FRMPD4: variants seen among roughly 807,000 people sequenced by gnomAD.
FRMPD4 encodes the protein FERM and PDZ domain-containing protein 4.
FRMPD4 carries 22 observed loss-of-function variants against 94.1 expected under a neutral mutation model. The observed-to-expected ratio is 0.23, with a 90% CI of 0.17 to 0.33. The LOEUF (loss-of-function observed/expected upper bound fraction) is 0.33, where lower values mean the gene tolerates loss of function less well. Among genes scored for constraint, FRMPD4 ranks in the 10% least tolerant of loss-of-function variants. The probability of loss-of-function intolerance (pLI) is 1.00; values close to 1 mark genes in which losing one functional copy is unlikely to be tolerated. For missense variants in FRMPD4, 1,111 were observed against 1,339.9 expected (o/e 0.83, Z 2.67); for synonymous variants, 631 against 548.6 (o/e 1.15, Z -2.10).
At chrX:12,354,959 C>T (rs1008167652) in intron 1 of FRMPD4, among the ~76,000 whole-genome samples, 1 of 111,969 alleles carries the variant, frequency 8.9e-6, no homozygotes, top group Non-Finnish European at 1.9e-5. Context: ...TGAATTTCTA[C>T]GTATCATGGG....
chrX:11,933,884 G>GA (rs2054135727), intron 3 of FRMPD4, among the ~76,000 whole-genome samples: 1 of 111,854 alleles, frequency 8.9e-6, no homozygotes, highest in Non-Finnish European at 1.9e-5. Flanking sequence ...TTGTTCCCTC[G>GA]TTTATGTTTG....
chrX:12,326,679 ATAT>A (rs2055293260), intron 1 of FRMPD4, among the ~76,000 whole-genome samples: 1 of 111,792 alleles, frequency 8.9e-6, no homozygotes, highest in Admixed American at 9.5e-5. Flanking sequence ...AGGCATAATA[ATAT>A]TAATTTTTGC....
chrX:12,502,415 G>C (rs952619416), intron 2 of FRMPD4, among the ~76,000 whole-genome samples: 2 of 111,370 alleles, frequency 1.8e-5, no homozygotes, highest in Non-Finnish European at 3.8e-5. Context: ...GGGGAAGGGA[G>C]GAAGACAGAT....
intron 4 of FRMPD4, among the ~76,000 whole-genome samples, chrX:12,617,641 C>A (rs1237543425): frequency 8.9e-6 from 1 of 112,050 alleles, no homozygotes; most frequent in Non-Finnish European, 1.9e-5. Context: ...AAGATAAATT[C>A]CCTTTCTGTA....
intron 1 of FRMPD4, among the ~76,000 whole-genome samples, chrX:12,296,258 A>T (rs1023836552): frequency 8.9e-6 from 1 of 111,840 alleles, no homozygotes; most frequent in African/African-American, 3.3e-5. Context: ...AAAATCACAG[A>T]AGGCAAGGAC....
chrX:12,105,166 T>C (rs1223237128), intron 3 of FRMPD4, among the ~76,000 whole-genome samples: 1 of 111,837 alleles, frequency 8.9e-6, no homozygotes, highest in African/African-American at 3.2e-5. Context: ...CTCTGTCTTC[T>C]GGAAGATGCT....
intron 1 of FRMPD4, among the ~76,000 whole-genome samples, chrX:12,393,494 T>C (rs1462578311): frequency 8.9e-6 from 1 of 111,954 alleles, no homozygotes; most frequent in East Asian, 2.8e-4. Context: ...AACAATTAAG[T>C]TGGTATTGAA....
intron 1 of FRMPD4, among the ~76,000 whole-genome samples, chrX:12,419,237 A>G (rs916384318): frequency 1.8e-5 from 2 of 111,354 alleles, no homozygotes; most frequent in Non-Finnish European, 3.8e-5. Context: ...AGGGTGGAAG[A>G]TAAGTTGTTT....
chrX:12,058,264 G>C (rs1389433056), intron 3 of FRMPD4, among the ~76,000 whole-genome samples: 1 of 111,540 alleles, frequency 9.0e-6, no homozygotes, highest in Non-Finnish European at 1.9e-5. Flanking sequence ...AAAACTCCAG[G>C]AAGGAACCAG....
chrX:12,255,370 A>G (rs1387812775), intron 1 of FRMPD4, among the ~76,000 whole-genome samples: 1 of 111,654 alleles, frequency 9.0e-6, no homozygotes, highest in African/African-American at 3.3e-5. Context: ...ACTTCCCAAG[A>G]GAATCCTGAA....
At chrX:12,361,172 G>A (rs1348385125) in intron 1 of FRMPD4, among the ~76,000 whole-genome samples, 1 of 111,835 alleles carries the variant, frequency 8.9e-6, no homozygotes, top group Non-Finnish European at 1.9e-5. Context: ...ATGCAAACTG[G>A]TTATTTCTTG....
chrX:12,542,178 C>T (rs1423357778), intron 2 of FRMPD4, among the ~76,000 whole-genome samples: 4 of 112,256 alleles, frequency 3.6e-5, no homozygotes, highest in Non-Finnish European at 7.5e-5. Context: ...AAAACTGGCA[C>T]AAGACAAGGA....
chrX:12,394,615 A>G (rs1294245568), intron 1 of FRMPD4, among the ~76,000 whole-genome samples: 1 of 110,706 alleles, frequency 9.0e-6, no homozygotes, highest in Non-Finnish European at 1.9e-5. Context: ...CTATATATCC[A>G]TTTGTTCTTT....
At chrX:12,500,238 A>T (rs746245921) in intron 2 of FRMPD4, among the ~76,000 whole-genome samples, 10 of 111,741 alleles carry the variant, frequency 8.9e-5, no homozygotes, top group Non-Finnish European at 1.9e-4. Context: ...CACATGCTAC[A>T]TTCTTTGTTC....
rs974224060 is a variant in FRMPD4, at chrX:11,931,521, G to A, written c.95+53503G>A. Among the ~76,000 whole-genome samples, 3 of 111,612 alleles carry A rather than the reference G, an allele frequency of 2.7e-5. No individual in the cohort carries two copies. The Admixed American group carries it at 2.9e-4, about 11-fold the overall frequency. ...CTTCTCCACATGGTCTCTCCAGAAG[G>A]GCAGTGTGACTTCTTACATGGTGGT... is the stretch of plus-strand genomic sequence containing the variant. On this transcript the variant is annotated intron_variant, in intron 3 of 18. Transcript: ENST00000640291.
intron 1 of FRMPD4, among the ~76,000 whole-genome samples, chrX:12,415,001 C>T (rs757180839): frequency 4.5e-5 from 5 of 110,771 alleles, no homozygotes; most frequent in African/African-American, 1.6e-4. Flanking sequence ...CTTTAGATAA[C>T]ACCATGAAGG....
At chrX:12,607,662 G>A (rs2059144039) in intron 2 of FRMPD4, among the ~76,000 whole-genome samples, 1 of 112,052 alleles carries the variant, frequency 8.9e-6, no homozygotes, top group Non-Finnish European at 1.9e-5. Flanking sequence ...TTGCAAAGAA[G>A]GAATGAGTGG....
intron 1 of FRMPD4, among the ~76,000 whole-genome samples, chrX:12,393,207 C>A (rs1250339865): frequency 8.9e-6 from 1 of 112,227 alleles, no homozygotes; most frequent in Non-Finnish European, 1.9e-5. Context: ...TACAGGATGA[C>A]TTGCATGTTT....
chrX:12,007,300 A>T (rs1173317013), intron 3 of FRMPD4, among the ~76,000 whole-genome samples: 3 of 112,198 alleles, frequency 2.7e-5, no homozygotes, highest in Non-Finnish European at 5.6e-5. Flanking sequence ...GCTTCAGCAG[A>T]ACTGACCCCA....
Sources: allele counts gnomAD v4.1 joint callset (sites outside exome capture counted in the v4.1 genomes callset), GRCh38; gene constraint gnomAD v4.1.1; transcripts MANE v1.5; gene names NCBI Gene and HGNC (gene_info 2026-07-23, HGNC 2026-07-21).